The following SCT variants were observed in gnomAD, a reference collection of about 807,000 sequenced individuals.
SCT encodes the protein secretin.
A neutral mutation model predicts 10.9 loss-of-function variants in SCT; 17 were observed. The ratio of observed to expected loss-of-function variants is 1.55; its 90% CI spans 1.06 to 2.33. SCT has a LOEUF of 2.33. Ranked by LOEUF, SCT falls within the 30% of genes most tolerant of loss-of-function variation. The pLI is 0.00. For missense variants in SCT, 230 were observed against 165.9 expected, an observed-to-expected ratio of 1.39 and a Z score of -2.12; for synonymous variants, 96 against 73.9, an observed-to-expected ratio of 1.30 and a Z score of -1.54.
In SCT at chr11:627,166, T is replaced by C; in HGVS notation, c.-23A>G. 1 of 1,073,046 alleles carries C rather than the reference T, an allele frequency of 9.3e-7. No homozygotes were observed. The allele number at this position is 1,073,046 out of a possible 1,614,324, so 66.5% of individuals were successfully genotyped here. A position where few individuals can be genotyped will look rare whatever the true frequency, so the allele number is the denominator to read the frequency against. Reference sequence around the variant, plus strand: ...CATGGCGGGGTCGGGGCGCAGGAGCTGAGCGCTGCGGCCACGGCCCCGGGC... The same window carrying C: ...CATGGCGGGGTCGGGGCGCAGGAGCCGAGCGCTGCGGCCACGGCCCCGGGC... On this transcript the variant is annotated 5_prime_UTR_variant, in exon 1 of 4. Coordinates refer to ENST00000176195, the MANE Select transcript of SCT (RefSeq NM_021920.4).
intron 3 of SCT, 57 bp from the exon 4 acceptor site, chr11:626,587 G>A (rs1398276589): frequency 6.7e-7 from 1 of 1,493,266 alleles, no homozygotes; most frequent in Non-Finnish European, 9.1e-7. Context: ...CGGCCCCGCT[G>A]CTGGAATTGG....
In SCT at chr11:626,376, C is replaced by G. The variant is rs371270345; in HGVS notation, c.*55G>C. The G allele has an allele frequency of 3.7e-6, 5 of 1,359,022 alleles. No individual in the cohort carries two copies. In the East Asian group the frequency reaches 1.0e-4, roughly 27 times the overall value. The allele number at this position is 1,359,022 out of a possible 1,614,324, so 84.2% of individuals were successfully genotyped here. On this transcript the variant is annotated 3_prime_UTR_variant, in exon 4 of 4. Coordinates refer to ENST00000176195, the MANE Select transcript of SCT (RefSeq NM_021920.4). ...TCCCCCTCTCCCCCATCCTGCCCCC[C>G]ACCCCAAATGCAGCTGCGCTCCTGG...
In SCT at chr11:626,869, C is replaced by G. The variant is rs996101524; in HGVS notation, c.173+19G>C. Reference sequence around the variant, plus strand: ...TGCTGGGGCACCACGCCAGGACCCCCCACCCCACCCGGCCTCACCTGCGCT... The same window carrying G: ...TGCTGGGGCACCACGCCAGGACCCCGCACCCCACCCGGCCTCACCTGCGCT... On this transcript the variant is annotated intron_variant, in intron 2 of 3. Coordinates refer to ENST00000176195, the MANE Select transcript of SCT (RefSeq NM_021920.4). 1.9e-6 allele frequency: 3 copies of G among 1,544,512 alleles called. No individual in the cohort carries two copies. Among genetic ancestry groups the G allele is most frequent in the Non-Finnish European group, 1.7e-6 (2 of 1,144,466 alleles).
At position 626,730 on chromosome 11, in the gene SCT, G is replaced by C. The variant is rs3218569; in HGVS notation, c.233C>G (p.Pro78Arg). The change falls in exon 3 of 4, where the codon CCG becomes CGG. Residue 78 changes from proline (P) to arginine (R), a missense_variant. By Grantham distance (103) the Pro-to-Arg change is moderately radical (BLOSUM62 -2). Coordinates refer to ENST00000176195, the MANE Select transcript of SCT (RefSeq NM_021920.4). Reference protein sequence around the residue: ...WTRLSAGLLCPSGSNMPILQA... With the variant: ...WTRLSAGLLCRSGSNMPILQA... ...CAGGATGGGCATGTTGGACCCTGACGGGCAGAGCAGACCCGCGCTGAGCCT... is the reference window on the plus strand; with the variant it reads ...CAGGATGGGCATGTTGGACCCTGACCGGCAGAGCAGACCCGCGCTGAGCCT... 23 of 1,550,288 alleles carry C rather than the reference G, an allele frequency of 1.5e-5. No homozygotes were observed. The highest frequency in any genetic ancestry group is 1.8e-5 in the Non-Finnish European group (21 of 1,146,756).
Position 626,443 on chromosome 11 carries a change from C to T in SCT, c.354G>A (p.Leu118=), listed in dbSNP as rs1291250067. 1 of 1,552,996 alleles carries T rather than the reference C, an allele frequency of 6.4e-7. No homozygotes were observed. The highest frequency in any genetic ancestry group is 2.0e-5 in the Admixed American group (1 of 51,186). The change falls in exon 4 of 4, where the codon TTG becomes TTA. Residue 118 remains leucine (L), a synonymous_variant. Transcript: ENST00000176195. ...EPAGAAAEGT[L]RPR ...GGGGGTTCCTTCCTCATCTGGGCCG[C>T]AAGGTTCCTTCTGCAGCAGCGCCAG...
chr11:626,515 C>A lies in SCT; in HGVS notation c.282G>T (p.Gly94=), dbSNP rs1857745888. 1.9e-6 allele frequency: 3 copies of A among 1,560,066 alleles called. No individual in the cohort carries two copies. The highest frequency in any genetic ancestry group is 2.6e-6 in the Non-Finnish European group (3 of 1,151,848). ...CAGGGGGCAGCCAGGGAGACCAGGTCCCGTCCAGGGGCATCCTGCAGAGAC... is the reference window on the plus strand; with the variant it reads ...CAGGGGGCAGCCAGGGAGACCAGGTACCGTCCAGGGGCATCCTGCAGAGAC... ...PILQAWMPLD[G]TWSPWLPPGP... Residue 94 remains glycine (G), a synonymous_variant, in exon 4 of 4, where the codon GGG becomes GGT. Coordinates refer to ENST00000176195, the MANE Select transcript of SCT (RefSeq NM_021920.4).
chr11:626,600 C>T lies in SCT; in HGVS notation c.267-70G>A, dbSNP rs575617132. The T allele has an allele frequency of 8.8e-5, 131 of 1,480,530 alleles. No individual in the cohort carries two copies. In the African/African-American group the frequency reaches 1.7e-3, roughly 19 times the overall value. The allele number at this position is 1,480,530 out of a possible 1,614,324, so 91.7% of individuals were successfully genotyped here. A position where few individuals can be genotyped will look rare whatever the true frequency, so the allele number is the denominator to read the frequency against. ...CCCGGCCCCGCTGCTGGAATTGGGC[C>T]TCCAGTGGCCACCAGCGCTGACCCG... On this transcript the variant is annotated intron_variant, in intron 3 of 3. Coordinates refer to ENST00000176195, the MANE Select transcript of SCT (RefSeq NM_021920.4).
In SCT at chr11:626,959, G is replaced by A. The variant is rs972465831; in HGVS notation, c.102C>T (p.Thr34=). ...RARRHSDGTF[T]SELSRLREGA... is the part of the protein sequence containing the mutation. ...CCTCCCGCAGGCGGCTGAGCTCGCT[G>A]GTGAACGTCCCGTCTGAGTGTCGCC... is the stretch of plus-strand genomic sequence containing the variant. Residue 34 remains threonine (T), a synonymous_variant, in exon 2 of 4, where the codon ACC becomes ACT. Coordinates refer to ENST00000176195, the MANE Select transcript of SCT (RefSeq NM_021920.4). 63 of 1,533,398 alleles carry A rather than the reference G, an allele frequency of 4.1e-5. No homozygotes were observed. The highest frequency in any genetic ancestry group is 9.8e-5 in the Admixed American group (5 of 50,878). 95.0% of individuals were successfully genotyped at this position (1,533,398 alleles called of 1,614,324 possible). A position where few individuals can be genotyped will look rare whatever the true frequency, so the allele number is the denominator to read the frequency against.
Position 627,109 on chromosome 11 carries a change from A to C in SCT, c.35T>G (p.Leu12Arg). 1.0e-6 allele frequency: 1 copy of C among 979,212 alleles called. No homozygotes were observed. Among genetic ancestry groups the C allele is most frequent in the Non-Finnish European group, 1.3e-6 (1 of 793,846 alleles). The allele number at this position is 979,212 out of a possible 1,614,324, so 60.7% of individuals were successfully genotyped here. A position where few individuals can be genotyped will look rare whatever the true frequency, so the allele number is the denominator to read the frequency against. ...APRPLLLLLL[L>R]LGGSAARPAP... ...GGGGCGCGCGGCGGAGCCCCCGAGG[A>C]GCAGCAGCAGCAGCAGGAGGGGCCG... Residue 12 changes from leucine (L) to arginine (R), a missense_variant, in exon 1 of 4, where the codon CTC (leucine) becomes CGC (arginine). Physicochemically the swap from Leu to Arg is moderately radical, Grantham distance 102 (BLOSUM62 -2). Transcript: ENST00000176195.
chr11:627,026 G>C, intron 1 of SCT, 37 bp from the exon 2 acceptor site: 2 of 1,329,282 alleles, frequency 1.5e-6, no homozygotes, highest in Non-Finnish European at 1.9e-6. Context: ...GGGCGCACTG[G>C]GGGCGGGTGG....
At position 626,792 on chromosome 11, in the gene SCT, G is replaced by GC. The variant is rs979298388; in HGVS notation, c.174-4dup. On this transcript the variant is annotated splice_region_variant and splice_polypyrimidine_tract_variant and intron_variant, in intron 2 of 3. Coordinates refer to ENST00000176195, the MANE Select transcript of SCT (RefSeq NM_021920.4). The stretch of plus-strand genomic sequence containing the variant: ...TGCTGTTCTCTGCGTCCTGCTCGCT[G>GC]CCCCCCGCCCCAAAACAGAGTTAGT... 1.2e-5 allele frequency: 19 copies of GC among 1,548,976 alleles called. No homozygotes were observed. The highest frequency in any genetic ancestry group is 9.6e-5 in the African/African-American group (7 of 73,146).
At position 626,945 on chromosome 11, in the gene SCT, CG is replaced by C; in HGVS notation, c.115del (p.Arg39AlafsTer118). 7.0e-7 allele frequency: 1 copy of C among 1,420,486 alleles called. No individual in the cohort carries two copies. Among genetic ancestry groups the C allele is most frequent in the South Asian group, 1.2e-5 (1 of 82,648 alleles). The allele number at this position is 1,420,486 out of a possible 1,614,324, so 88.0% of individuals were successfully genotyped here. On this transcript the variant is annotated frameshift_variant, in exon 2 of 4. Coordinates refer to ENST00000176195, the MANE Select transcript of SCT (RefSeq NM_021920.4). LOFTEE classifies it high-confidence loss of function. ...CTGGAGCCGCGCGCCCTCCCGCAGG[CG>C]GCTGAGCTCGCTGGTGAACGTCCCG... is the stretch of plus-strand genomic sequence containing the variant. ...SDGTFTSELS[R>X]LREGARLQRL...
At position 626,708 on chromosome 11, in the gene SCT, G is replaced by A. The variant is rs1334270840; in HGVS notation, c.255C>T (p.Ile85=). Residue 85 remains isoleucine, a synonymous_variant, in exon 3 of 4, where the codon ATC becomes ATT. Transcript: ENST00000176195. The stretch of plus-strand genomic sequence containing the variant: ...GGGCGGGTGCTCACCAGGCCTGCAG[G>A]ATGGGCATGTTGGACCCTGACGGGC... The part of the protein sequence containing the change: ...LLCPSGSNMP[I]LQAWMPLDGT... 7.7e-6 allele frequency: 12 copies of A among 1,549,432 alleles called. No individual in the cohort carries two copies. The East Asian group carries it at 2.2e-4, about 28-fold the overall frequency.
rs1324360494 is a variant in SCT, at chr11:626,654, GGGTGGGGTCTGGAGTGGGGTCTGC to G, written c.266+19_266+42del. On this transcript the variant is annotated intron_variant, in intron 3 of 3. Transcript: ENST00000176195. ...AGGCCAGGACAGAAGGAGGGGTCTG[GGGTGGGGTCTGGAGTGGGGTCTGC>G]GGTGGGGCGGGTGCTCACCAGGCCT... 7 of 1,499,996 alleles carry G rather than the reference GGGTGGGGTCTGGAGTGGGGTCTGC, an allele frequency of 4.7e-6. No homozygotes were observed. Among genetic ancestry groups the G allele is most frequent in the Non-Finnish European group, 3.6e-6 (4 of 1,103,236 alleles). The allele number at this position is 1,499,996 out of a possible 1,614,324, so 92.9% of individuals were successfully genotyped here.
In SCT at chr11:627,009, G is replaced by GGGGTCA. The variant is rs1197220938; in HGVS notation, c.72-26_72-21dup. On this transcript the variant is annotated intron_variant, in intron 1 of 3. Coordinates refer to ENST00000176195, the MANE Select transcript of SCT (RefSeq NM_021920.4). ...CGGGCCCTGCGGGCGGTCGGGGGTC[G>GGGGTCA]GGGTCAGGGCGCACTGGGGGCGGGT... 6.7e-7 allele frequency: 1 copy of GGGGTCA among 1,496,738 alleles called. No individual in the cohort carries two copies. Among genetic ancestry groups the GGGGTCA allele is most frequent in the African/African-American group, 1.4e-5 (1 of 69,944 alleles). 92.7% of individuals were successfully genotyped at this position (1,496,738 alleles called of 1,614,324 possible).
At chr11:627,011 G>A (rs1042444009) in intron 1 of SCT, 22 bp from the exon 2 acceptor site, 15 of 1,471,714 alleles carry the variant, frequency 1.0e-5, no homozygotes, top group African/African-American at 5.9e-5. Flanking sequence ...CGGGGGTCGG[G>A]GTCAGGGCGC....
At position 626,865 on chromosome 11, in the gene SCT, C is replaced by T. The variant is rs1049335727; in HGVS notation, c.173+23G>A. On this transcript the variant is annotated intron_variant, in intron 2 of 3. Transcript: ENST00000176195. The stretch of plus-strand genomic sequence containing the variant: ...TTGCTGCTGGGGCACCACGCCAGGA[C>T]CCCCCACCCCACCCGGCCTCACCTG... 6 of 1,541,116 alleles carry T rather than the reference C, an allele frequency of 3.9e-6. No individual in the cohort carries two copies. The African/African-American group carries it at 4.1e-5, about 11-fold the overall frequency.
intron 3 of SCT, 82 bp downstream of exon 3, chr11:626,615 G>C: frequency 6.8e-7 from 1 of 1,473,668 alleles, no homozygotes; most frequent in South Asian, 1.2e-5. Flanking sequence ...GTGGCCACCA[G>C]CGCTGACCCG....
chr11:626,823 AGCTGGGGGGTCGCGCGTTGCT>A, intron 2 of SCT, 34 bp from the exon 3 acceptor site: 1 of 1,546,622 alleles, frequency 6.5e-7, no homozygotes, highest in Non-Finnish European at 8.7e-7. Flanking sequence ...TTAGTCCTGG[AGCTGGGGGGTCGCGCGTTGCT>A]GCTGGGGCAC....
Sources: gnomAD v4.1 joint callset for allele counts on GRCh38, gnomAD v4.1.1 for gene constraint, MANE v1.5 for transcripts, NCBI Gene and HGNC (gene_info 2026-07-23, HGNC 2026-07-21) for gene names.